The following USP32 variants were observed in gnomAD, a reference collection of about 807,000 sequenced individuals.
The protein encoded by USP32 is ubiquitin specific peptidase 32.
A neutral mutation model predicts 204.8 loss-of-function variants in USP32; 59 were observed. The observed-to-expected ratio is 0.29, with a 90% CI of 0.23 to 0.36. The LOEUF (loss-of-function observed/expected upper bound fraction) is 0.36. Among genes scored for constraint, USP32 ranks in the 10% least tolerant of loss-of-function variants. USP32 has a pLI of 1.00. For missense variants in USP32, 1,160 were observed against 1,946.4 expected, an observed-to-expected ratio of 0.60 and a Z score of 7.60; for synonymous variants, 517 against 678.4, an observed-to-expected ratio of 0.76 and a Z score of 3.70.
intron 11 of USP32, among the ~76,000 whole-genome samples, chr17:60,247,969 C>T (rs558592057): frequency 2.9e-4 from 44 of 152,322 alleles, no homozygotes; most frequent in African/African-American, 1.0e-3. Flanking sequence ...CAGGCGTGAG[C>T]CACCACGCCT....
intron 12 of USP32, among the ~76,000 whole-genome samples, chr17:60,229,602 C>A (rs1287120779): frequency 2.0e-5 from 3 of 152,126 alleles, no homozygotes; most frequent in Admixed American, 6.6e-5. Context: ...ACAGCAAAAC[C>A]ATTTTGAAAG....
intron 1 of USP32, among the ~76,000 whole-genome samples, chr17:60,363,508 ACT>A (rs1018656256): frequency 9.5e-5 from 14 of 147,518 alleles, no homozygotes; most frequent in African/African-American, 2.8e-4. Context: ...ACAGAGCAAG[ACT>A]CTGTCTCAAA....
At chr17:60,369,088 G>A (rs1009635012) in intron 1 of USP32, among the ~76,000 whole-genome samples, 3 of 129,640 alleles carry the variant, frequency 2.3e-5, no homozygotes, top group African/African-American at 1.2e-4. Flanking sequence ...TCCGCCTCCC[G>A]GGTTCACGCC....
chr17:60,331,512 G>T (rs2088382499), intron 2 of USP32, among the ~76,000 whole-genome samples: 1 of 150,958 alleles, frequency 6.6e-6, no homozygotes, highest in South Asian at 2.1e-4. Context: ...GCTGCAGTGA[G>T]CTGTGATCAT....
chr17:60,277,739 C>T (rs777938133), intron 5 of USP32, among the ~76,000 whole-genome samples: 5 of 152,144 alleles, frequency 3.3e-5, no homozygotes, highest in Non-Finnish European at 7.3e-5. Context: ...TTCTACCATT[C>T]AAAGAAATCA....
At chr17:60,401,515 TC>T (rs2089935162) in intron 1 of USP32, among the ~76,000 whole-genome samples, 1 of 152,112 alleles carries the variant, frequency 6.6e-6, no homozygotes, top group Non-Finnish European at 1.5e-5. Flanking sequence ...GACAGGAAGT[TC>T]TGGGCACCCT....
intron 1 of USP32, among the ~76,000 whole-genome samples, chr17:60,389,533 ACT>A (rs922149961): frequency 2.3e-4 from 35 of 150,728 alleles, no homozygotes; most frequent in African/African-American, 7.4e-4. Context: ...ACAGAGCGAG[ACT>A]CTGTCTCGAG....
intron 1 of USP32, among the ~76,000 whole-genome samples, chr17:60,386,926 T>C (rs935524052): frequency 6.6e-6 from 1 of 152,236 alleles, no homozygotes; most frequent in African/African-American, 2.4e-5. Context: ...TGACTACATA[T>C]AAGCAGACTA....
intron 22 of USP32, 106 bp downstream of exon 22, chr17:60,209,264 A>G: frequency 1.2e-6 from 1 of 833,462 alleles, no homozygotes; most frequent in South Asian, 4.2e-5. Flanking sequence ...TTTGCAGTAA[A>G]GTTCTGATCT....
intron 19 of USP32, among the ~76,000 whole-genome samples, chr17:60,211,774 A>C (rs1299333681): frequency 6.6e-6 from 1 of 151,952 alleles, no homozygotes; most frequent in Non-Finnish European, 1.5e-5. Flanking sequence ...TAATTCAAAC[A>C]ATTCTTCTTC....
At chr17:60,316,076 TAC>T (rs1367820677) in intron 2 of USP32, 4 of 216,448 alleles carry the variant, frequency 1.8e-5, no homozygotes, top group Non-Finnish European at 3.7e-5. Flanking sequence ...GCTTCCAGAA[TAC>T]AGTTACTGGT....
chr17:60,198,600 C>T (rs1209406783), intron 26 of USP32, among the ~76,000 whole-genome samples, 156 bp from the exon 27 acceptor site: 6 of 152,188 alleles, frequency 3.9e-5, no homozygotes, highest in Admixed American at 3.9e-4. Context: ...TCTTTATTGA[C>T]ACAAAGAGAA....
At chr17:60,376,696 G>A (rs1464748714) in intron 1 of USP32, among the ~76,000 whole-genome samples, 1 of 151,700 alleles carries the variant, frequency 6.6e-6, no homozygotes, top group African/African-American at 2.4e-5. Flanking sequence ...GCTAATTTTT[G>A]TATTTTTAGT....
chr17:60,266,139 G>A (rs1293596017), intron 7 of USP32, 48 bp from the exon 8 acceptor site: 1 of 1,442,238 alleles, frequency 6.9e-7, no homozygotes. Flanking sequence ...TGTATTCTGA[G>A]GTATAATATA....
chr17:60,400,782 A>T (rs1239031981), intron 1 of USP32, among the ~76,000 whole-genome samples: 1 of 152,060 alleles, frequency 6.6e-6, no homozygotes, highest in Admixed American at 6.6e-5. Flanking sequence ...GCTATTTGGG[A>T]TGCTGAGTCG....
At position 60,181,465 on chromosome 17, in the gene USP32, G is replaced by T. The variant is rs774733393; in HGVS notation, c.4407C>A (p.Ala1469=). Residue 1469 remains alanine, a synonymous_variant, in exon 32 of 34, where the codon GCC becomes GCA. Coordinates refer to ENST00000300896, the MANE Select transcript of USP32 (RefSeq NM_032582.4). The stretch of plus-strand genomic sequence containing the variant: ...CTTCATGCTCATAAAGGAATCCATT[G>T]GCCAAAGCTACCTCATGGTCCTGAG... ...VTPQDHEVAL[A]NGFLYEHEAC... is the part of the protein sequence containing the mutation. The T allele has an allele frequency of 6.2e-7, 1 of 1,613,850 alleles. No homozygotes were observed. The highest frequency in any genetic ancestry group is 8.5e-7 in the Non-Finnish European group (1 of 1,179,880).
At chr17:60,407,089 C>T (rs1567899057) in intron 1 of USP32, among the ~76,000 whole-genome samples, 1 of 152,148 alleles carries the variant, frequency 6.6e-6, no homozygotes, top group South Asian at 2.1e-4. Context: ...TGTGATTTTC[C>T]TAGCTTTTTG....
At chr17:60,340,996 C>A (rs1030033713) in intron 2 of USP32, among the ~76,000 whole-genome samples, 4 of 136,926 alleles carry the variant, frequency 2.9e-5, no homozygotes, top group Non-Finnish European at 6.9e-5. Context: ...TGAATATTGG[C>A]CCCCACTCTC....
intron 28 of USP32, among the ~76,000 whole-genome samples, chr17:60,191,958 TAGTA>T (rs2084393494): frequency 6.6e-6 from 1 of 151,954 alleles, no homozygotes; most frequent in African/African-American, 2.4e-5. Context: ...CAGCAAGGTC[TAGTA>T]AAGACTATGG....
Sources: gnomAD v4.1 joint callset for allele counts (sites outside exome capture counted in the v4.1 genomes callset) on GRCh38, gnomAD v4.1.1 for gene constraint, MANE v1.5 for transcripts, NCBI Gene and HGNC (gene_info 2026-07-23, HGNC 2026-07-21) for gene names.